PIGU: variants seen among roughly 807,000 people sequenced by gnomAD.
The protein encoded by PIGU is GPI-anchor transamidase component PIGU.
Under a neutral mutation model 49.9 loss-of-function variants are expected in PIGU, and 24 were observed. That is an observed-to-expected ratio of 0.48 (90% confidence interval 0.35 to 0.68). The LOEUF (loss-of-function observed/expected upper bound fraction) is 0.68, where lower values mean the gene tolerates loss of function less well. Ranked by LOEUF, PIGU falls within the 30% of genes least tolerant of loss-of-function variation. The pLI is 0.01. For missense variants in PIGU, 490 were observed against 532.6 expected, an observed-to-expected ratio of 0.92 and a Z score of 0.79; for synonymous variants, 220 against 205.7, an observed-to-expected ratio of 1.07 and a Z score of -0.59.
At position 34,617,588 on chromosome 20, in the gene PIGU, C is replaced by T. The variant is rs535140992; in HGVS notation, c.530-1449G>A. ...TTGTATCTAGGAAGTAACTAATTTGCTTTTGATTTTACAGGCTCACAGGCG... is the reference window on the plus strand; with the variant it reads ...TTGTATCTAGGAAGTAACTAATTTGTTTTTGATTTTACAGGCTCACAGGCG... On this transcript the variant is annotated intron_variant, in intron 6 of 11. Transcript: ENST00000217446. 1.4e-4 allele frequency among the ~76,000 whole-genome samples: 21 copies of T among 152,312 alleles called. No homozygotes were observed. The South Asian group carries it at 2.9e-3, about 21-fold the overall frequency.
At chr20:34,651,335 T>C (rs1986534682) in intron 2 of PIGU, among the ~76,000 whole-genome samples, 1 of 152,232 alleles carries the variant, frequency 6.6e-6, no homozygotes. Flanking sequence ...ATAGCTCTGC[T>C]TAGCTTCTTG....
At chr20:34,655,521 A>G (rs1986676054) in intron 2 of PIGU, among the ~76,000 whole-genome samples, 1 of 120,088 alleles carries the variant, frequency 8.3e-6, no homozygotes, top group African/African-American at 3.1e-5. Context: ...AACACAAAAA[A>G]AAATTAGCCA....
intron 7 of PIGU, 67 bp from the exon 8 acceptor site, chr20:34,588,674 C>A (rs1983807258): frequency 1.4e-6 from 2 of 1,457,248 alleles, no homozygotes; most frequent in Non-Finnish European, 1.9e-6. Flanking sequence ...TTAGCTTACA[C>A]TTAAAGATCC....
rs10544376 is a variant in PIGU, at chr20:34,590,577, GTAACATAACATAACA to G, written c.628-1985_628-1971del. On this transcript the variant is annotated intron_variant, in intron 7 of 11. Transcript: ENST00000217446. ...TCTGTCTCAAATAAAATAGCGTAAC[GTAACATAACATAACA>G]TAACATAACATAACATAACATAACA... Among the ~76,000 whole-genome samples the G allele has an allele frequency of 9.8e-3, 1,376 of 140,632 alleles. 10 individuals carry two copies. The highest frequency in any genetic ancestry group is 0.03 in the African/African-American group (1,119 of 37,056). The allele number at this position is 140,632 out of a possible 152,430, so 92.3% of individuals were successfully genotyped here.
chr20:34,618,133 G>C (rs1036048531), intron 6 of PIGU, among the ~76,000 whole-genome samples: 36 of 151,954 alleles, frequency 2.4e-4, no homozygotes, highest in African/African-American at 8.7e-4. Flanking sequence ...TAAAACCTAA[G>C]GCCACAAAGT....
At position 34,676,970 on chromosome 20, in the gene PIGU, C is replaced by T. The variant is rs759845217; in HGVS notation, c.116G>A (p.Ser39Asn). The T allele has an allele frequency of 3.8e-6, 6 of 1,576,308 alleles. No individual in the cohort carries two copies. Among genetic ancestry groups the T allele is most frequent in the African/African-American group, 2.7e-5 (2 of 74,664 alleles). ...SERVEVVSPL[S>N]SWKRVVEGLS... Reference sequence around the variant, plus strand: ...AGTGGCCTCACCTCTCTTCCAAGAGCTCAGTGGGGACACCACCTCCACCCG... The same window carrying T: ...AGTGGCCTCACCTCTCTTCCAAGAGTTCAGTGGGGACACCACCTCCACCCG... The change falls in exon 1 of 12, where the codon AGC becomes AAC. Residue 39 changes from serine (S) to asparagine (N), a missense_variant. Coordinates refer to ENST00000217446, the MANE Select transcript of PIGU (RefSeq NM_080476.5).
intron 8 of PIGU, among the ~76,000 whole-genome samples, chr20:34,586,788 A>G (rs1568627263): frequency 6.6e-6 from 1 of 152,160 alleles, no homozygotes; most frequent in Non-Finnish European, 1.5e-5. Flanking sequence ...CATTATTTTC[A>G]AACTGTCAGA....
At chr20:34,650,132 G>C (rs1986483787) in intron 2 of PIGU, among the ~76,000 whole-genome samples, 1 of 152,130 alleles carries the variant, frequency 6.6e-6, no homozygotes, top group South Asian at 2.1e-4. Context: ...ACAGGCATGA[G>C]CCACCGTGCC....
intron 6 of PIGU, among the ~76,000 whole-genome samples, chr20:34,633,178 T>C (rs536746838): frequency 6.6e-6 from 1 of 152,314 alleles, no homozygotes; most frequent in African/African-American, 2.4e-5. Context: ...AAAACTATGA[T>C]GTTGACCAGG....
intron 7 of PIGU, among the ~76,000 whole-genome samples, chr20:34,594,648 C>T (rs1019629636): frequency 2.6e-5 from 4 of 152,194 alleles, no homozygotes; most frequent in African/African-American, 9.7e-5. Context: ...GTGGCAGGCG[C>T]CTGTAATCCC....
intron 6 of PIGU, among the ~76,000 whole-genome samples, chr20:34,618,506 G>C (rs180721453): frequency 4.5e-4 from 68 of 152,312 alleles, no homozygotes; most frequent in Non-Finnish European, 8.4e-4. Context: ...AACAGGCGGG[G>C]CATGGTGGTT....
At chr20:34,634,762 G>A in intron 5 of PIGU, 47 bp from the exon 6 acceptor site, 1 of 1,594,340 alleles carries the variant, frequency 6.3e-7, no homozygotes, top group Admixed American at 1.7e-5. Context: ...TGACCAAGGA[G>A]CCCTCGCCAT....
chr20:34,589,456 A>C (rs1210156084), intron 7 of PIGU, among the ~76,000 whole-genome samples: 1 of 151,576 alleles, frequency 6.6e-6, no homozygotes, highest in Non-Finnish European at 1.5e-5. Context: ...AGGTTCAAGC[A>C]ATTCTCCTGC....
At chr20:34,661,888 G>A (rs987658609) in intron 1 of PIGU, among the ~76,000 whole-genome samples, 2 of 151,890 alleles carry the variant, frequency 1.3e-5, no homozygotes, top group African/African-American at 4.8e-5. Flanking sequence ...ATTATTTTTT[G>A]ACTTTTTAAT....
At chr20:34,590,473 C>T (rs190919790) in intron 7 of PIGU, among the ~76,000 whole-genome samples, 63 of 152,188 alleles carry the variant, frequency 4.1e-4, no homozygotes, top group Middle Eastern at 3.4e-3. Context: ...ATGAGAATCA[C>T]TTGAACCCAG....
intron 6 of PIGU, among the ~76,000 whole-genome samples, chr20:34,632,261 A>T (rs1257429378): frequency 6.6e-6 from 1 of 152,216 alleles, no homozygotes; most frequent in African/African-American, 2.4e-5. Flanking sequence ...CTAAAGGAAA[A>T]GTTATTCGAG....
intron 11 of PIGU, among the ~76,000 whole-genome samples, chr20:34,561,429 C>T (rs150995158): frequency 1.8e-3 from 273 of 152,264 alleles, no homozygotes; most frequent in African/African-American, 6.2e-3. Flanking sequence ...TCTCATACAT[C>T]GAGCCACCAT....
At chr20:34,587,260 G>C (rs957923542) in intron 8 of PIGU, among the ~76,000 whole-genome samples, 4 of 152,162 alleles carry the variant, frequency 2.6e-5, no homozygotes, top group Admixed American at 1.3e-4. Context: ...TTTGAGAACC[G>C]CTGCTATTTA....
intron 1 of PIGU, among the ~76,000 whole-genome samples, chr20:34,669,666 GAAAAAA>G (rs34144980): frequency 8.1e-6 from 1 of 124,010 alleles, no homozygotes; most frequent in East Asian, 2.2e-4. Context: ...GACTCTGGCT[GAAAAAA>G]AAAAAAAAAA....
Sources: allele counts gnomAD v4.1 joint callset (sites outside exome capture counted in the v4.1 genomes callset), GRCh38; gene constraint gnomAD v4.1.1; transcripts MANE v1.5; gene names NCBI Gene and HGNC (gene_info 2026-07-23, HGNC 2026-07-21).